Variants in BICD1 observed in about 807,000 individuals in gnomAD.
BICD1 encodes protein bicaudal D homolog 1.
BICD1 carries 35 observed loss-of-function variants against 92.5 expected under a neutral mutation model. The observed-to-expected ratio is 0.38, with a 90% CI of 0.29 to 0.50. BICD1 has a LOEUF of 0.50. Among genes scored for constraint, BICD1 ranks in the 20% least tolerant of loss-of-function variants. BICD1 has a pLI of 0.93. For synonymous variants in BICD1, 429 were observed against 465.1 expected (o/e 0.92, Z 1.00); for missense variants, 950 against 1,189.8 (o/e 0.80, Z 2.97).
intron 9 of BICD1, among the ~76,000 whole-genome samples, chr12:32,368,920 AATAG>A (rs1939627323): frequency 2.0e-5 from 3 of 152,028 alleles, no homozygotes; most frequent in East Asian, 1.9e-4. Context: ...TCTCTAGATA[AATAG>A]ATAGATAGAC....
intron 6 of BICD1, among the ~76,000 whole-genome samples, chr12:32,335,434 G>A (rs1370430588): frequency 6.6e-6 from 1 of 152,026 alleles, no homozygotes; most frequent in East Asian, 1.9e-4. Context: ...ACAGGCGTGA[G>A]CCACCGCGCC....
At chr12:32,117,760 T>TA (rs1565526526) in intron 1 of BICD1, among the ~76,000 whole-genome samples, 25 of 108,694 alleles carry the variant, frequency 2.3e-4, no homozygotes, top group Non-Finnish European at 4.0e-4. Context: ...ATATATATAT[T>TA]TTTTTTTAAG....
rs1299803428 is a variant in BICD1 at position 32,346,600 on chromosome 12, ATATATATATATACGTG to A, written c.2764+7634_2764+7649del. On this transcript the variant is annotated intron_variant, in intron 8 of 9. Transcript: ENST00000652176. The stretch of plus-strand genomic sequence containing the variant: ...TATATATACGTGTATATATATATAT[ATATATATATATACGTG>A]TATATATATATATATATACGTGTAT... Among the ~76,000 whole-genome samples, 47 of 15,814 alleles carry A rather than the reference ATATATATATATACGTG, an allele frequency of 3.0e-3. 9 individuals are homozygous for A. Among genetic ancestry groups the A allele is most frequent in the South Asian group, 8.1e-3 (2 of 248 alleles). 10.4% of individuals were successfully genotyped at this position (15,814 alleles called of 152,430 possible).
chr12:32,348,315 C>T (rs1938707006), intron 8 of BICD1, among the ~76,000 whole-genome samples: 1 of 152,084 alleles, frequency 6.6e-6, no homozygotes. Flanking sequence ...TCATACTTTT[C>T]AATCCATATT....
rs1381557656 is a variant in BICD1, at chr12:32,382,348, G to A, written c.*4721G>A. ...AGCAATTAACTGCCTTTAGTGTAAG[G>A]GCGAGAGTGCATAGAAATATGCAAT... On this transcript the variant is annotated 3_prime_UTR_variant, in exon 10 of 10. Coordinates refer to ENST00000652176, the MANE Select transcript of BICD1 (RefSeq NM_001714.4). 1 of 152,014 alleles carries A rather than the reference G, an allele frequency of 6.6e-6. No individual in the cohort carries two copies. The highest frequency in any genetic ancestry group is 6.6e-5 in the Admixed American group (1 of 15,264). The allele number at this position is 152,014 out of a possible 1,614,324, so 9.4% of individuals were successfully genotyped here.
At chr12:32,292,027 T>A (rs1467600083) in intron 2 of BICD1, among the ~76,000 whole-genome samples, 1 of 152,202 alleles carries the variant, frequency 6.6e-6, no homozygotes, top group Non-Finnish European at 1.5e-5. Flanking sequence ...CACTGTAGAT[T>A]AGTTTTGCCC....
intron 1 of BICD1, among the ~76,000 whole-genome samples, chr12:32,211,468 G>A (rs146176067): frequency 3.4e-4 from 52 of 152,214 alleles, no homozygotes; most frequent in African/African-American, 1.0e-3. Context: ...CTCCTTTGGT[G>A]CTAGATCCAG....
chr12:32,327,478 C>T lies in BICD1; in HGVS notation c.1023C>T (p.Ala341=). 6.2e-7 allele frequency: 1 copy of T among 1,600,450 alleles called. No homozygotes were observed. Among genetic ancestry groups the T allele is most frequent in the Middle Eastern group, 1.7e-4 (1 of 5,990 alleles). ...CATTGCAGGTAGAGCGGGAAAAGGC[C>T]ATTCTTTTGGCCAACCTACAGGAGT... is the stretch of plus-strand genomic sequence containing the variant. ...QQLMQVEREK[A]ILLANLQESQ... The change falls in exon 5 of 10, where the codon GCC becomes GCT. Residue 341 remains alanine, a synonymous_variant. Transcript: ENST00000652176.
chr12:32,280,098 CTAAA>C (rs61445099), intron 2 of BICD1, among the ~76,000 whole-genome samples: 1 of 150,410 alleles, frequency 6.6e-6, no homozygotes, highest in Non-Finnish European at 1.5e-5. Context: ...AACTGCATCT[CTAAA>C]TAAATAAATA....
chr12:32,318,208 T>C (rs1948558571), intron 4 of BICD1, among the ~76,000 whole-genome samples: 1 of 151,902 alleles, frequency 6.6e-6, no homozygotes, highest in Non-Finnish European at 1.5e-5. Context: ...CTTTTTTGGT[T>C]CCATATGAAC....
At chr12:32,305,636 T>A in intron 3 of BICD1, 61 bp from the exon 4 acceptor site, 2 of 1,476,356 alleles carry the variant, frequency 1.4e-6, no homozygotes, top group Non-Finnish European at 1.8e-6. Context: ...GAGTGTTTAA[T>A]GGCAGTTTTG....
At chr12:32,228,288 C>T (rs959275409) in intron 2 of BICD1, 1 of 152,256 alleles carries the variant, frequency 6.6e-6, no homozygotes, top group Admixed American at 6.5e-5. Context: ...GAAAAGACTA[C>T]TCTTTCTCCA....
chr12:32,158,150 G>A (rs937817400), intron 1 of BICD1, among the ~76,000 whole-genome samples: 8 of 143,534 alleles, frequency 5.6e-5, no homozygotes, highest in African/African-American at 2.1e-4. Flanking sequence ...TTGTTGCCCA[G>A]GCTGGAGTGC....
intron 2 of BICD1, among the ~76,000 whole-genome samples, chr12:32,275,832 C>G (rs1947259830): frequency 1.3e-5 from 2 of 152,132 alleles, no homozygotes; most frequent in Non-Finnish European, 2.9e-5. Flanking sequence ...TCGTCCTAAT[C>G]GAGCTGAACA....
chr12:32,249,198 G>A (rs1407757466), intron 2 of BICD1, among the ~76,000 whole-genome samples: 9 of 152,128 alleles, frequency 5.9e-5, no homozygotes, highest in Admixed American at 4.6e-4. Context: ...TATAGCAATA[G>A]CTGGCAAGAA....
At chr12:32,275,465 A>G (rs952386654) in intron 2 of BICD1, among the ~76,000 whole-genome samples, 1 of 152,148 alleles carries the variant, frequency 6.6e-6, no homozygotes, top group Non-Finnish European at 1.5e-5. Context: ...TAACTTGTTC[A>G]TATGATGAGT....
chr12:32,198,334 A>ATATC (rs1944792199), intron 1 of BICD1, among the ~76,000 whole-genome samples: 4 of 132,166 alleles, frequency 3.0e-5, no homozygotes, highest in African/African-American at 1.1e-4. Flanking sequence ...ATCTATCTAT[A>ATATC]TATATATATA....
chr12:32,352,865 C>A (rs1411775453), intron 8 of BICD1: 1 of 152,142 alleles, frequency 6.6e-6, no homozygotes, highest in Non-Finnish European at 1.5e-5. Flanking sequence ...CAGAACAAGA[C>A]CCTGTCTCTA....
intron 2 of BICD1, among the ~76,000 whole-genome samples, chr12:32,276,059 G>A (rs1221496530): frequency 6.6e-6 from 1 of 152,006 alleles, no homozygotes; most frequent in Non-Finnish European, 1.5e-5. Context: ...GTAACATTTT[G>A]GCGACCATGA....
Sources: gnomAD v4.1 joint callset for allele counts (sites outside exome capture counted in the v4.1 genomes callset) on GRCh38, gnomAD v4.1.1 for gene constraint, MANE v1.5 for transcripts, NCBI Gene and HGNC (gene_info 2026-07-23, HGNC 2026-07-21) for gene names.